JCAD: variants seen among roughly 807,000 people sequenced by gnomAD.
JCAD encodes junctional cadherin 5-associated protein.
In JCAD, 40 loss-of-function variants were observed where a neutral mutation model predicts 98.0. The ratio of observed to expected loss-of-function variants is 0.41; its 90% CI spans 0.32 to 0.53. The LOEUF is 0.53. Ranked by LOEUF, JCAD falls within the 20% of genes least tolerant of loss-of-function variation. The pLI, the probability that JCAD is intolerant of heterozygous loss-of-function variation, is 0.31. For synonymous variants in JCAD, 691 were observed against 682.3 expected (o/e 1.01, Z -0.20); for missense variants, 1,705 against 1,738.1 (o/e 0.98, Z 0.34).
Position 30,028,892 on chromosome 10 carries a change from C to G in JCAD, c.1256G>C (p.Gly419Ala). 1 of 1,614,194 alleles carries G rather than the reference C, an allele frequency of 6.2e-7. No individual in the cohort carries two copies. Among genetic ancestry groups the G allele is most frequent in the Non-Finnish European group, 8.5e-7 (1 of 1,180,032 alleles). The change falls in exon 3 of 4, where the codon GGC becomes GCC. Residue 419 changes from glycine to alanine, a missense_variant. Coordinates refer to ENST00000375377, the MANE Select transcript of JCAD (RefSeq NM_020848.4). ...ATCAAAGGGAATGTACTGAACGAAGCCGTCATAGGCAGTGACAGGTCGGGG... is the reference window on the plus strand; with the variant it reads ...ATCAAAGGGAATGTACTGAACGAAGGCGTCATAGGCAGTGACAGGTCGGGG... ...AHPRPVTAYD[G>A]FVQYIPFDDP... is the part of the protein sequence containing the mutation.
chr10:30,029,237 G>C lies in JCAD; in HGVS notation c.911C>G (p.Ser304Cys). 1 of 1,614,190 alleles carries C rather than the reference G, an allele frequency of 6.2e-7. No homozygotes were observed. Among genetic ancestry groups the C allele is most frequent in the Non-Finnish European group, 8.5e-7 (1 of 1,180,044 alleles). Residue 304 changes from serine to cysteine, a missense_variant, in exon 3 of 4, where the codon TCT becomes TGT. Transcript: ENST00000375377. Reference protein sequence around the residue: ...KPPSYSSHQQSRGGADSSDSQ... With the variant: ...KPPSYSSHQQCRGGADSSDSQ... The stretch of plus-strand genomic sequence containing the variant: ...GTCACTGCTGTCCGCTCCTCCCCTA[G>C]ACTGCTGGTGCGAGCTGTAAGATGG...
intron 1 of JCAD, among the ~76,000 whole-genome samples, chr10:30,108,062 C>T (rs755635556): frequency 2.1e-4 from 32 of 152,136 alleles, no homozygotes; most frequent in African/African-American, 5.5e-4. Flanking sequence ...CCTGTAATCC[C>T]GGCACTTTGG....
chr10:30,059,762 T>A (rs1837666959), upstream of JCAD, among the ~76,000 whole-genome samples: 1 of 152,150 alleles, frequency 6.6e-6, no homozygotes, highest in Admixed American at 6.5e-5. The surrounding 1 kb of genome is among the most constrained non-coding windows in gnomAD (Gnocchi z 5.0). Flanking sequence ...TCTTTTCTTG[T>A]CACTTGGGTT....
chr10:30,098,172 A>C lies in JCAD; in HGVS notation n.128+17195T>G, dbSNP rs187614295. Among the ~76,000 whole-genome samples the C allele has an allele frequency of 5.8e-4, 89 of 152,294 alleles. No homozygotes were observed. In the Middle Eastern group the frequency reaches 0.014, roughly 23 times the overall value. On this transcript the variant is annotated intron_variant and non_coding_transcript_variant, in intron 1 of 2. Coordinates refer to the JCAD transcript ENST00000465712. Reference sequence around the variant, plus strand: ...TGCGACCCTCGGGTCTGCCTAAAGTAGCTTTGCCCACAGCTCCTGCCTCAG... The same window carrying C: ...TGCGACCCTCGGGTCTGCCTAAAGTCGCTTTGCCCACAGCTCCTGCCTCAG...
At chr10:30,072,954 T>C (rs1270838573) in intron 1 of JCAD, among the ~76,000 whole-genome samples, 1 of 152,234 alleles carries the variant, frequency 6.6e-6, no homozygotes, top group Non-Finnish European at 1.5e-5. Context: ...TCTTTGATTC[T>C]AATGTGCACC....
rs1362795039 is a variant in JCAD at position 30,031,048 on chromosome 10, C to CAATTTT, written c.282-1183_282-1182insAAAATT. Reference sequence around the variant, plus strand: ...TCACCCAGTGGGCTTGTAAAATATACACATTACCAAGTCTCTCCCACTGAA... The same window carrying CAATTTT: ...TCACCCAGTGGGCTTGTAAAATATACAATTTTACATTACCAAGTCTCTCCCACTGAA... On this transcript the variant is annotated intron_variant, in intron 2 of 3. Coordinates refer to ENST00000375377, the MANE Select transcript of JCAD (RefSeq NM_020848.4). Among the ~76,000 whole-genome samples, 347 of 151,928 alleles carry CAATTTT rather than the reference C, an allele frequency of 2.3e-3. 1 individual carries two copies. Among genetic ancestry groups the CAATTTT allele is most frequent in the African/African-American group, 8.2e-3 (337 of 41,314 alleles).
intron 1 of JCAD, among the ~76,000 whole-genome samples, chr10:30,089,913 ATTTGT>A (rs1238615736): frequency 6.6e-6 from 1 of 152,174 alleles, no homozygotes; most frequent in Non-Finnish European, 1.5e-5. Context: ...AAAATGACTG[ATTTGT>A]TTTGTTCCCA....
At chr10:30,096,741 C>T (rs546996224) in intron 1 of JCAD, among the ~76,000 whole-genome samples, 1 of 151,910 alleles carries the variant, frequency 6.6e-6, no homozygotes, top group South Asian at 2.1e-4. Flanking sequence ...TGGAATGTCT[C>T]AAATAGATTA....
rs1305412058 is a variant in JCAD, at chr10:30,047,640, T to C, written c.173A>G (p.Lys58Arg). 1.9e-6 allele frequency: 3 copies of C among 1,614,170 alleles called. No homozygotes were observed. The highest frequency in any genetic ancestry group is 2.5e-6 in the Non-Finnish European group (3 of 1,180,022). Residue 58 changes from lysine to arginine, a missense_variant, in exon 2 of 4, where the codon AAG becomes AGG. This residue lies in a region of JCAD where 152 missense variants were observed against 148.0 expected (regional missense o/e 1.03). Transcript: ENST00000375377. ...CACATGTCCTTTCCCCGCGGACGTC[T>C]TACGATGTGCGAGGGCCGCAGGGCC... is the stretch of plus-strand genomic sequence containing the variant. Reference protein sequence around the residue: ...EDGPAALAHRKTSAGKGHVSD... With the variant: ...EDGPAALAHRRTSAGKGHVSD...
At chr10:30,074,797 T>G (rs1837953682) in intron 1 of JCAD, among the ~76,000 whole-genome samples, 1 of 151,190 alleles carries the variant, frequency 6.6e-6, no homozygotes, top group African/African-American at 2.4e-5. Context: ...ACTGTTTTGT[T>G]TTTTTTTTAA....
chr10:30,052,383 T>G (rs1353703033), intron 1 of JCAD, among the ~76,000 whole-genome samples: 1 of 152,212 alleles, frequency 6.6e-6, no homozygotes, highest in Admixed American at 6.5e-5. Context: ...GCAGGCCCCT[T>G]TCTCTAGCCT....
intron 1 of JCAD, among the ~76,000 whole-genome samples, chr10:30,111,122 AC>A (rs1838693409): frequency 6.6e-6 from 1 of 151,516 alleles, no homozygotes; most frequent in East Asian, 1.9e-4. Flanking sequence ...TGATGTATGG[AC>A]CCCTGATGTA....
In JCAD at chr10:30,029,566, T is replaced by C. The variant is rs1836941646; in HGVS notation, c.582A>G (p.Lys194=). The stretch of plus-strand genomic sequence containing the variant: ...CTCCATCAGACATCTGCCTCCCTAA[T>C]TTCCTTGGCTGGTTCCAGCTTTCCA... The part of the protein sequence containing the change: ...VSLESWNQPR[K]LGRQMSDGDG... The change falls in exon 3 of 4, where the codon AAA becomes AAG. Residue 194 remains lysine (K), a synonymous_variant. Coordinates refer to ENST00000375377, the MANE Select transcript of JCAD (RefSeq NM_020848.4). 1 of 1,614,126 alleles carries C rather than the reference T, an allele frequency of 6.2e-7. No individual in the cohort carries two copies. Among genetic ancestry groups the C allele is most frequent in the Admixed American group, 1.7e-5 (1 of 60,010 alleles).
chr10:30,106,092 C>T (rs578093451), intron 1 of JCAD, among the ~76,000 whole-genome samples: 18 of 152,108 alleles, frequency 1.2e-4, no homozygotes, highest in African/African-American at 1.9e-4. Flanking sequence ...CATAGAACCA[C>T]GGTTATAGAT....
In JCAD at chr10:30,047,735, G is replaced by C. The variant is rs76425998; in HGVS notation, c.78C>G (p.Asn26Lys). The change falls in exon 2 of 4, where the codon AAC (asparagine) becomes AAG (lysine). Residue 26 changes from asparagine to lysine, a missense_variant. By Grantham distance (94) the Asn-to-Lys change is moderately conservative (BLOSUM62 0). This residue lies in a region of JCAD where 152 missense variants were observed against 148.0 expected (regional missense o/e 1.03). Transcript: ENST00000375377. Reference protein sequence around the residue: ...SRDPPASREDNPKGRQAARTG... With the variant: ...SRDPPASREDKPKGRQAARTG... ...TCCTCGCTGCCTGGCGCCCCTTGGG[G>C]TTATCCTCGCGTGATGCTGGGGGGT... 3.3e-3 allele frequency: 5,309 copies of C among 1,614,234 alleles called. 146 individuals carry two copies. In the African/African-American group the frequency reaches 0.06, roughly 18 times the overall value.
chr10:30,041,999 T>C (rs1657697608), intron 2 of JCAD, among the ~76,000 whole-genome samples: 1 of 152,204 alleles, frequency 6.6e-6, no homozygotes, highest in Non-Finnish European at 1.5e-5. Context: ...TGTGTGTGTG[T>C]GTTTCAGCAG....
chr10:30,093,638 T>A (rs1271122766), intron 1 of JCAD, among the ~76,000 whole-genome samples: 1 of 152,216 alleles, frequency 6.6e-6, no homozygotes, highest in Non-Finnish European at 1.5e-5. Context: ...ATGTGGCTCT[T>A]TTTTATTATC....
intron 1 of JCAD, among the ~76,000 whole-genome samples, chr10:30,109,915 G>T (rs1038733993): frequency 6.6e-6 from 1 of 151,766 alleles, no homozygotes; most frequent in Admixed American, 6.6e-5. Flanking sequence ...TTGATATATG[G>T]ACCAGCTGAT....
At chr10:30,059,684 T>C (rs540937094), upstream of JCAD, among the ~76,000 whole-genome samples, 365 of 144,976 alleles carry the variant, frequency 2.5e-3, no homozygotes, top group Non-Finnish European at 4.0e-3. The surrounding 1 kb of genome is among the most constrained non-coding windows in gnomAD (Gnocchi z 5.0). Context: ...GGCCACGAGC[T>C]TCCTAGGCTT....
Sources: gnomAD v4.1 joint callset for allele counts (sites outside exome capture counted in the v4.1 genomes callset) on GRCh38, gnomAD v4.1.1 for gene constraint, gnomAD v4.1.1 regional missense constraint, Gnocchi (gnomAD v3.1) non-coding constraint, MANE v1.5 for transcripts, NCBI Gene and HGNC (gene_info 2026-07-23, HGNC 2026-07-21) for gene names.